The following IKBKB-DT variants were observed in gnomAD, a reference collection of about 807,000 sequenced individuals.
IKBKB-DT encodes the protein IKBKB divergent transcript, also known as IKBKB antisense RNA.
chr8:42,257,014 T>A (rs989021690), intron 3 of IKBKB-DT, among the ~76,000 whole-genome samples: 1 of 152,132 alleles, frequency 6.6e-6, no homozygotes, highest in Non-Finnish European at 1.5e-5. Flanking sequence ...GAGAAAAAAA[T>A]TCAGTTACTT....
At chr8:42,244,010 A>ATG (rs1410388891) in intron 3 of IKBKB-DT, among the ~76,000 whole-genome samples, 2 of 152,242 alleles carry the variant, frequency 1.3e-5, no homozygotes, top group Non-Finnish European at 2.9e-5. Flanking sequence ...CCAAGCCTGT[A>ATG]TGCCCGATTG....
chr8:42,238,975 T>A (rs1238609545), intron 3 of IKBKB-DT, among the ~76,000 whole-genome samples: 3 of 152,190 alleles, frequency 2.0e-5, no homozygotes, highest in African/African-American at 2.4e-5. Flanking sequence ...ACTCTTTCTC[T>A]ACTGCAACAC....
chr8:42,247,078 G>T (rs1182231753), intron 3 of IKBKB-DT, among the ~76,000 whole-genome samples: 1 of 152,126 alleles, frequency 6.6e-6, no homozygotes, highest in Non-Finnish European at 1.5e-5. Context: ...CCCCAAAATG[G>T]TAGATCCACC....
intron 3 of IKBKB-DT, among the ~76,000 whole-genome samples, chr8:42,262,809 G>T (rs1188813223): frequency 6.6e-6 from 1 of 151,282 alleles, no homozygotes; most frequent in African/African-American, 2.4e-5. Context: ...CGTAATCACG[G>T]CTCACTGCAT....
intron 3 of IKBKB-DT, among the ~76,000 whole-genome samples, chr8:42,258,107 C>T (rs1424099917): frequency 2.5e-4 from 38 of 151,940 alleles, no homozygotes; most frequent in Admixed American, 2.4e-3. Flanking sequence ...TAAAGAAAAA[C>T]GTTCCACAGT....
chr8:42,235,541 A>T (rs1806908992), intron 3 of IKBKB-DT, among the ~76,000 whole-genome samples: 1 of 151,958 alleles, frequency 6.6e-6, no homozygotes, highest in Non-Finnish European at 1.5e-5. Context: ...AAGTTTTTGC[A>T]TTTCTAACAA....
At chr8:42,244,016 G>C (rs191495499) in intron 3 of IKBKB-DT, among the ~76,000 whole-genome samples, 1 of 152,318 alleles carries the variant, frequency 6.6e-6, no homozygotes, top group Admixed American at 6.5e-5. Flanking sequence ...CTGTATGCCC[G>C]ATTGTCTATA....
At chr8:42,252,554 A>G (rs1373246855) in intron 3 of IKBKB-DT, among the ~76,000 whole-genome samples, 1 of 152,186 alleles carries the variant, frequency 6.6e-6, no homozygotes, top group African/African-American at 2.4e-5. Flanking sequence ...TTTGGTAAAG[A>G]CCAAGTCTCA....
chr8:42,247,112 A>G (rs1807074128), intron 3 of IKBKB-DT, among the ~76,000 whole-genome samples: 1 of 152,124 alleles, frequency 6.6e-6, no homozygotes, highest in African/African-American at 2.4e-5. Context: ...GTGTGCCTGT[A>G]AAAGCCACAG....
chr8:42,236,154 T>C (rs754038440), intron 3 of IKBKB-DT, among the ~76,000 whole-genome samples: 15 of 151,802 alleles, frequency 9.9e-5, no homozygotes, highest in Non-Finnish European at 1.9e-4. Flanking sequence ...AGATTAAGCA[T>C]CACTTCTCTC....
chr8:42,250,858 G>T (rs1807121159), intron 3 of IKBKB-DT, among the ~76,000 whole-genome samples: 2 of 152,176 alleles, frequency 1.3e-5, no homozygotes, highest in Admixed American at 1.3e-4. Context: ...ACTCCAGCCT[G>T]GGCAACAGAG....
chr8:42,239,929 G>A (rs941999841), intron 3 of IKBKB-DT, among the ~76,000 whole-genome samples: 18 of 151,842 alleles, frequency 1.2e-4, no homozygotes, highest in South Asian at 2.1e-4. Context: ...ATGAGCCACC[G>A]TGCCTGGCCG....
intron 3 of IKBKB-DT, among the ~76,000 whole-genome samples, chr8:42,237,972 C>G (rs1280171309): frequency 7.6e-6 from 1 of 131,666 alleles, no homozygotes; most frequent in Non-Finnish European, 1.5e-5. Context: ...TTGCAGTTAG[C>G]TGAGATGGTA....
chr8:42,267,248 C>T (rs1172663148), intron 1 of IKBKB-DT, among the ~76,000 whole-genome samples: 3 of 151,978 alleles, frequency 2.0e-5, no homozygotes, highest in African/African-American at 7.3e-5. Context: ...TCGTGATCCA[C>T]CTGCCTCCCA....
chr8:42,239,636 T>TATATATATATA lies in IKBKB-DT; in HGVS notation n.1530-5778_1530-5777insTATATATATAT, dbSNP rs55662464. Among the ~76,000 whole-genome samples, 53 of 28,174 alleles carry TATATATATATA rather than the reference T, an allele frequency of 1.9e-3. 6 individuals are homozygous for TATATATATATA. Among genetic ancestry groups the TATATATATATA allele is most frequent in the East Asian group, 5.4e-3 (4 of 736 alleles). 18.5% of individuals were successfully genotyped at this position (28,174 alleles called of 152,430 possible). A position where few individuals can be genotyped will look rare whatever the true frequency, so the allele number is the denominator to read the frequency against. On this transcript the variant is annotated intron_variant and non_coding_transcript_variant, in intron 3 of 3. Transcript: ENST00000518213. ...AATTTATATATATATATATATATAT[T>TATATATATATA]TATTTATTTATTCATTTTTTTTTTT...
chr8:42,263,965 C>T (rs1421401438), intron 2 of IKBKB-DT, among the ~76,000 whole-genome samples: 1 of 152,028 alleles, frequency 6.6e-6, no homozygotes, highest in African/African-American at 2.4e-5. Context: ...GCGCCCACCA[C>T]TATGCCTGGA....
intron 3 of IKBKB-DT, among the ~76,000 whole-genome samples, chr8:42,252,486 C>T (rs1807141566): frequency 6.6e-6 from 1 of 152,212 alleles, no homozygotes; most frequent in Non-Finnish European, 1.5e-5. Flanking sequence ...GCAACACCAC[C>T]TCACTAATAG....
intron 3 of IKBKB-DT, among the ~76,000 whole-genome samples, chr8:42,260,738 A>G (rs1345825204): frequency 1.3e-5 from 2 of 151,982 alleles, no homozygotes; most frequent in African/African-American, 4.8e-5. Flanking sequence ...GACAAACACT[A>G]AGTATTCTTG....
intron 2 of IKBKB-DT, among the ~76,000 whole-genome samples, chr8:42,264,987 C>T (rs919442413): frequency 6.6e-5 from 10 of 151,982 alleles, no homozygotes; most frequent in East Asian, 1.9e-4. Context: ...CTCAGTCTCC[C>T]GAGTAACTGG....
Sources: allele counts gnomAD v4.1 joint callset (sites outside exome capture counted in the v4.1 genomes callset), GRCh38; gene constraint gnomAD v4.1.1; transcripts MANE v1.5; gene names NCBI Gene and HGNC (gene_info 2026-07-23, HGNC 2026-07-21).